ELAVL2: variants seen among roughly 807,000 people sequenced by gnomAD.
ELAVL2 encodes the protein ELAV like RNA binding protein 2, also known as ELAV-like protein 2.
In ELAVL2, 4 loss-of-function variants were observed where a neutral mutation model predicts 34.6. The ratio of observed to expected loss-of-function variants is 0.12; its 90% confidence interval spans 0.06 to 0.26. The LOEUF (loss-of-function observed/expected upper bound fraction) is 0.26, where lower values mean the gene tolerates loss of function less well. Ranked by LOEUF, ELAVL2 falls within the 10% of genes least tolerant of loss-of-function variation. The pLI is 1.00. For synonymous variants in ELAVL2, 193 were observed against 154.8 expected (o/e 1.25, Z -1.83); for missense variants, 432 against 442.8 (o/e 0.98, Z 0.22).
intron 1 of ELAVL2, among the ~76,000 whole-genome samples, chr9:23,766,896 A>C (rs1388647094): frequency 1.3e-5 from 2 of 152,168 alleles, no homozygotes; most frequent in Non-Finnish European, 2.9e-5. Flanking sequence ...AACTCTTCGG[A>C]AAGAAAAAAA....
At chr9:23,780,561 C>G (rs78320484) in intron 1 of ELAVL2, among the ~76,000 whole-genome samples, 4,521 of 152,254 alleles carry the variant, frequency 0.03, 88 homozygotes, top group East Asian at 0.075. Context: ...TCTTAGCTCA[C>G]ATCCATAACT....
At chr9:23,722,442 C>T (rs749087727) in intron 3 of ELAVL2, among the ~76,000 whole-genome samples, 2 of 152,176 alleles carry the variant, frequency 1.3e-5, no homozygotes, top group South Asian at 2.1e-4. Context: ...TCAAACTGTA[C>T]GTCTGGCTGT....
At chr9:23,824,580 G>A (rs1564616545) in intron 1 of ELAVL2, among the ~76,000 whole-genome samples, 1 of 152,040 alleles carries the variant, frequency 6.6e-6, no homozygotes, top group Non-Finnish European at 1.5e-5. Context: ...ACACCCCCTC[G>A]TGCCAATAAT....
rs58976853 is a variant in ELAVL2 at position 23,746,820 on chromosome 9, GAA to G, written c.229+15184_229+15185del. ...AAGTCTTTCCATGTAAACTGAAAAA[GAA>G]AAAAAAAAAAAAAAGCCTCTCTCAT... On this transcript the variant is annotated intron_variant, in intron 2 of 6. Coordinates refer to ENST00000397312, the MANE Select transcript of ELAVL2 (RefSeq NM_004432.5). 2.2e-4 allele frequency among the ~76,000 whole-genome samples: 15 copies of G among 68,978 alleles called. No homozygotes were observed. The East Asian group carries it at 2.4e-3, about 11-fold the overall frequency. 45.3% of individuals were successfully genotyped at this position (68,978 alleles called of 152,430 possible).
chr9:23,846,545 G>T, the ELAVL2 span, among the ~76,000 whole-genome samples: 1 of 151,756 alleles, frequency 6.6e-6, no homozygotes, highest in African/African-American at 2.4e-5. Context: ...GGTACAGTTA[G>T]GTCTTCCTCT....
At position 23,690,401 on chromosome 9, in the gene ELAVL2, C is replaced by G. The variant is rs143326431; in HGVS notation, c.*2156G>C. 6.6e-6 allele frequency: 1 copy of G among 152,292 alleles called. No individual in the cohort carries two copies. The highest frequency in any genetic ancestry group is 2.4e-5 in the African/African-American group (1 of 41,322). The allele number at this position is 152,292 out of a possible 1,614,324, so 9.4% of individuals were successfully genotyped here. A position where few individuals can be genotyped will look rare whatever the true frequency, so the allele number is the denominator to read the frequency against. ...GCTGCTGTTTTCCCTTGAGGGAAAC[C>G]TTATTATTTTTTTTTAAGTATATAC... On this transcript the variant is annotated 3_prime_UTR_variant, in exon 7 of 7. Transcript: ENST00000397312.
At chr9:23,766,148 T>C (rs1369643098) in intron 1 of ELAVL2, among the ~76,000 whole-genome samples, 1 of 152,186 alleles carries the variant, frequency 6.6e-6, no homozygotes, top group African/African-American at 2.4e-5. Context: ...TTACTCTTGA[T>C]ATTAGCAATG....
Position 23,755,315 on chromosome 9 carries a change from T to C in ELAVL2, c.229+6691A>G, listed in dbSNP as rs62541661. 6.0e-3 allele frequency among the ~76,000 whole-genome samples: 916 copies of C among 152,268 alleles called. 12 individuals carry two copies. Among genetic ancestry groups the C allele is most frequent in the Middle Eastern group, 0.027 (8 of 294 alleles). ...TTTCATCATCCTGTAATCTTTCCACTAAACTAATCAAGGCTGACACTGAAA... is the reference window on the plus strand; with the variant it reads ...TTTCATCATCCTGTAATCTTTCCACCAAACTAATCAAGGCTGACACTGAAA... On this transcript the variant is annotated intron_variant, in intron 2 of 6. Coordinates refer to ENST00000397312, the MANE Select transcript of ELAVL2 (RefSeq NM_004432.5).
At chr9:23,806,776 G>C (rs1019655495) in intron 1 of ELAVL2, among the ~76,000 whole-genome samples, 4 of 152,058 alleles carry the variant, frequency 2.6e-5, no homozygotes, top group African/African-American at 9.7e-5. Context: ...ATTAAGGAGA[G>C]ACCAGACACC....
chr9:23,824,423 G>C (rs527725466), intron 1 of ELAVL2, among the ~76,000 whole-genome samples: 4 of 152,148 alleles, frequency 2.6e-5, no homozygotes, highest in Admixed American at 2.6e-4. Context: ...AGTCCAGTCC[G>C]GGAGGCTGAC....
intron 1 of ELAVL2, among the ~76,000 whole-genome samples, chr9:23,790,758 C>A (rs2137199792): frequency 6.6e-6 from 1 of 152,330 alleles, no homozygotes; most frequent in Non-Finnish European, 1.5e-5. Context: ...TGGTGATTTT[C>A]CGCATACCTC....
chr9:23,771,539 T>C (rs575226325), intron 1 of ELAVL2, among the ~76,000 whole-genome samples: 1 of 152,272 alleles, frequency 6.6e-6, no homozygotes, highest in African/African-American at 2.4e-5. Flanking sequence ...TCACTTTATA[T>C]TTGCTACTAA....
chr9:23,836,708 G>C, the ELAVL2 span, among the ~76,000 whole-genome samples: 1 of 151,990 alleles, frequency 6.6e-6, no homozygotes, highest in East Asian at 1.9e-4. Flanking sequence ...CAAATAAAAG[G>C]AGGTTGAGAG....
At chr9:23,713,294 A>G (rs2041477577) in intron 3 of ELAVL2, among the ~76,000 whole-genome samples, 1 of 152,228 alleles carries the variant, frequency 6.6e-6, no homozygotes, top group South Asian at 2.1e-4. Flanking sequence ...TTACCTGCAG[A>G]GATACTTAAC....
chr9:23,772,876 G>A (rs1041180279), intron 1 of ELAVL2, among the ~76,000 whole-genome samples: 3 of 151,888 alleles, frequency 2.0e-5, no homozygotes, highest in African/African-American at 4.8e-5. Flanking sequence ...GAAATTTGAG[G>A]CATCTTAAAA....
At position 23,701,621 on chromosome 9, in the gene ELAVL2, T is replaced by A; in HGVS notation, c.488-17A>T. On this transcript the variant is annotated splice_polypyrimidine_tract_variant and intron_variant, in intron 4 of 6. Transcript: ENST00000397312. The stretch of plus-strand genomic sequence containing the variant: ...TTGATATGCCTATGGTAGATTTGAG[T>A]AAAGATTTGGAAAAGAGGGAACAGA... 3 of 1,609,734 alleles carry A rather than the reference T, an allele frequency of 1.9e-6. No homozygotes were observed. Among genetic ancestry groups the A allele is most frequent in the Non-Finnish European group, 2.5e-6 (3 of 1,176,862 alleles).
chr9:23,692,657 T>C lies in ELAVL2; in HGVS notation c.980A>G (p.Tyr327Cys). Reference sequence around the variant, plus strand: ...AGCTATCGCCATGGCAGCCTCATCATAGTTTGTCATAGTCACAAATCCAAA... The same window carrying C: ...AGCTATCGCCATGGCAGCCTCATCACAGTTTGTCATAGTCACAAATCCAAA... ...KGFGFVTMTN[Y>C]DEAAMAIASL... The change falls in exon 7 of 7, where the codon TAT becomes TGT. Residue 327 changes from tyrosine to cysteine, a missense_variant. Physicochemically the swap from Tyr to Cys is radical, Grantham distance 194. Transcript: ENST00000397312. 1 of 1,614,200 alleles carries C rather than the reference T, an allele frequency of 6.2e-7. No homozygotes were observed. The highest frequency in any genetic ancestry group is 8.5e-7 in the Non-Finnish European group (1 of 1,180,004).
At chr9:23,710,110 TAAAG>T (rs919392829) in intron 3 of ELAVL2, among the ~76,000 whole-genome samples, 4 of 152,142 alleles carry the variant, frequency 2.6e-5, no homozygotes, top group African/African-American at 9.7e-5. Context: ...CTAGACAAAA[TAAAG>T]ATAGAATATA....
At chr9:23,790,328 A>G (rs2060187062) in intron 1 of ELAVL2, among the ~76,000 whole-genome samples, 1 of 152,282 alleles carries the variant, frequency 6.6e-6, no homozygotes, top group East Asian at 1.9e-4. Context: ...TTCTAACCAA[A>G]CCATTTAAAT....
Sources: allele counts gnomAD v4.1 joint callset (sites outside exome capture counted in the v4.1 genomes callset), GRCh38; gene constraint gnomAD v4.1.1; transcripts MANE v1.5; gene names NCBI Gene and HGNC (gene_info 2026-07-23, HGNC 2026-07-21).